Variants in PCDHA2 observed in about 807,000 individuals in gnomAD.
The protein encoded by PCDHA2 is protocadherin alpha 2, also known as protocadherin alpha-2.
A neutral mutation model predicts 66.0 loss-of-function variants in PCDHA2; 58 were observed. The ratio of observed to expected loss-of-function variants is 0.88; its 90% CI spans 0.71 to 1.09. The LOEUF (loss-of-function observed/expected upper bound fraction) is 1.09, where lower values mean the gene tolerates loss of function less well. Ranked by LOEUF, PCDHA2 falls within the 50% of genes least tolerant of loss-of-function variation. PCDHA2 has a pLI of 0.00. For synonymous variants in PCDHA2, 634 were observed against 554.0 expected (o/e 1.14, Z -2.03); for missense variants, 1,267 against 1,242.3 (o/e 1.02, Z -0.30).
Position 140,928,713 on chromosome 5 carries a change from T to C in PCDHA2, c.2389-50236T>C, listed in dbSNP as rs535812769. The C allele has an allele frequency of 3.1e-6, 5 of 1,614,142 alleles. No individual in the cohort carries two copies. In the African/African-American group the frequency reaches 6.7e-5, roughly 22 times the overall value. ...ACATCTCCCGGGCGTCTGACTCTAG[T>C]CTCTTTAGAATTTCAGCCAATATAG... On this transcript the variant is annotated intron_variant, in intron 1 of 3. Coordinates refer to ENST00000526136, the MANE Select transcript of PCDHA2 (RefSeq NM_018905.3).
At chr5:140,848,269 G>T in intron 1 of PCDHA2, 1 of 502,308 alleles carries the variant, frequency 2.0e-6, no homozygotes, top group Non-Finnish European at 3.5e-6. Context: ...TTTTATTCAT[G>T]AAATATGTAC....
intron 1 of PCDHA2, among the ~76,000 whole-genome samples, chr5:140,941,202 C>CCTTTCTTCCTTCCTTTCTTTCTTTCTTT (rs1394736170): frequency 4.9e-5 from 6 of 122,740 alleles, no homozygotes; most frequent in Admixed American, 1.7e-4. Context: ...TTTCTTTCTT[C>CCTTTCTTCCTTCCTTTCTTTCTTTCTTT]CTTTCTTTCT....
chr5:140,850,879 C>A (rs2150501286), intron 1 of PCDHA2: 1 of 1,586,914 alleles, frequency 6.3e-7, no homozygotes, highest in South Asian at 1.1e-5. Context: ...TCCTCAGATT[C>A]AACTGGGAAG....
intron 1 of PCDHA2, chr5:140,841,406 G>A: frequency 6.2e-7 from 1 of 1,613,082 alleles, no homozygotes; most frequent in Non-Finnish European, 8.5e-7. Context: ...GGTGGGGAGC[G>A]GCCAGCTCCA....
rs373157192 is a variant in PCDHA2 at position 140,869,487 on chromosome 5, C to T, written c.2388+72135C>T. On this transcript the variant is annotated intron_variant, in intron 1 of 3. Transcript: ENST00000526136. ...ACGTGGAGGTGAAGGACATTAACGA[C>T]AACCCGCCGGTGTTCTCGCTCAGAG... The T allele has an allele frequency of 5.2e-5, 84 of 1,614,180 alleles. No homozygotes were observed. The African/African-American group carries it at 8.9e-4, about 17-fold the overall frequency.
intron 1 of PCDHA2, chr5:140,856,061 T>A (rs782207999): frequency 1.3e-6 from 2 of 1,588,972 alleles, no homozygotes; most frequent in Non-Finnish European, 8.6e-7. Context: ...GGTTTCCAGA[T>A]GTAGCTGCCT....
Position 140,883,115 on chromosome 5 carries a change from AGGCCTGTAT to A in PCDHA2, c.2388+85770_2388+85778del, listed in dbSNP as rs2059447979. The A allele has an allele frequency of 1.9e-6, 3 of 1,613,978 alleles. No homozygotes were observed. The South Asian group carries it at 3.3e-5, about 18-fold the overall frequency. ...TGGAGATATAGTTTACTCATTTAGA[AGGCCTGTAT>A]GGCCTGCAGTGGTATATGCATTTAC... On this transcript the variant is annotated intron_variant, in intron 1 of 3. Transcript: ENST00000526136.
Position 140,823,277 on chromosome 5 carries a change from G to A in PCDHA2, c.2388+25925G>A, listed in dbSNP as rs2150124312. 41 of 1,612,320 alleles carry A rather than the reference G, an allele frequency of 2.5e-5. 1 individual carries two copies. In the East Asian group the frequency reaches 8.7e-4, roughly 34 times the overall value. On this transcript the variant is annotated intron_variant, in intron 1 of 3. Transcript: ENST00000526136. ...CTGGTGGAGCGGCGGGTGGGCGAGC[G>A]CCCGCTGTCGAGTTACGTTTCGGTG...
chr5:140,914,126 G>T (rs2076615202), intron 1 of PCDHA2, among the ~76,000 whole-genome samples: 1 of 152,132 alleles, frequency 6.6e-6, no homozygotes, highest in Non-Finnish European at 1.5e-5. Context: ...ATGTTTCTTT[G>T]TTGAGTTTTT....
chr5:140,870,857 G>C, intron 1 of PCDHA2: 1 of 1,613,916 alleles, frequency 6.2e-7, no homozygotes. Context: ...CGGTCGGTGG[G>C]TGCGGGCCAC....
At chr5:140,873,141 C>A (rs1275722582) in intron 1 of PCDHA2, among the ~76,000 whole-genome samples, 3 of 152,064 alleles carry the variant, frequency 2.0e-5, no homozygotes, top group African/African-American at 7.2e-5. Flanking sequence ...TATGCTGAAG[C>A]CTATTCATAG....
intron 3 of PCDHA2, among the ~76,000 whole-genome samples, chr5:140,993,307 A>G (rs1388803376): frequency 6.6e-6 from 1 of 152,056 alleles, no homozygotes; most frequent in Non-Finnish European, 1.5e-5. Flanking sequence ...TGCCTCCAGG[A>G]TAATACCTTC....
At chr5:140,801,691 A>AT in intron 1 of PCDHA2, 7 of 1,614,210 alleles carry the variant, frequency 4.3e-6, no homozygotes, top group African/African-American at 1.3e-5. Flanking sequence ...ATCGGAACAA[A>AT]TTCGTTGTTG....
chr5:140,822,947 A>G (rs2150120611), intron 1 of PCDHA2: 1 of 1,614,124 alleles, frequency 6.2e-7, no homozygotes, highest in African/African-American at 1.3e-5. Context: ...CTAATGCCCC[A>G]CGTTCCCTTC....
intron 1 of PCDHA2, chr5:140,830,436 T>C (rs2150186408): frequency 1.3e-5 from 21 of 1,612,796 alleles, no homozygotes; most frequent in South Asian, 5.5e-5. Flanking sequence ...TGTCCTATTA[T>C]GATGGGTAAG....
At chr5:140,803,200 C>T (rs1554122639) in intron 1 of PCDHA2, 1 of 1,613,898 alleles carries the variant, frequency 6.2e-7, no homozygotes. Flanking sequence ...GTGCTGGTGT[C>T]GCTGGTGGAG....
At chr5:140,947,648 T>C (rs1476825159) in intron 1 of PCDHA2, among the ~76,000 whole-genome samples, 1 of 151,646 alleles carries the variant, frequency 6.6e-6, no homozygotes, top group Non-Finnish European at 1.5e-5. Context: ...TGAACATATA[T>C]ACCTCCATTT....
chr5:140,809,494 C>T lies in PCDHA2; in HGVS notation c.2388+12142C>T, dbSNP rs781910272. 5 of 1,614,118 alleles carry T rather than the reference C, an allele frequency of 3.1e-6. No homozygotes were observed. The South Asian group carries it at 4.4e-5, about 14-fold the overall frequency. ...GTGAGGGCCCACCCAAGACCGACCT[C>T]ATGGCCTTCAGCCCCAGTTTACCTG... On this transcript the variant is annotated intron_variant, in intron 1 of 3. Coordinates refer to ENST00000526136, the MANE Select transcript of PCDHA2 (RefSeq NM_018905.3).
chr5:141,003,258 G>T (rs1029666608), intron 3 of PCDHA2, among the ~76,000 whole-genome samples: 1 of 152,240 alleles, frequency 6.6e-6, no homozygotes, highest in Admixed American at 6.5e-5. Flanking sequence ...TTCCTGGGCA[G>T]TGCCTAAGGG....
Sources: allele counts gnomAD v4.1 joint callset (sites outside exome capture counted in the v4.1 genomes callset), GRCh38; gene constraint gnomAD v4.1.1; transcripts MANE v1.5; gene names NCBI Gene and HGNC (gene_info 2026-07-23, HGNC 2026-07-21).